Variants in OR52N4 observed in about 807,000 individuals in gnomAD.
OR52N4 encodes the protein olfactory receptor 52N4.
A neutral mutation model predicts 15.0 loss-of-function variants in OR52N4; 15 were observed. That is an observed-to-expected ratio of 1.00 (90% CI 0.67 to 1.54). The LOEUF (loss-of-function observed/expected upper bound fraction) is 1.54. Among genes scored for constraint, OR52N4 ranks in the 40% most tolerant of loss-of-function variants. OR52N4 has a pLI of 0.00. For synonymous variants in OR52N4, 143 were observed against 143.7 expected, an observed-to-expected ratio of 1.00 and a Z score of 0.03; for missense variants, 421 against 394.0, an observed-to-expected ratio of 1.07 and a Z score of -0.58.
chr11:5,752,263 A>G (rs1854206622), upstream of OR52N4, among the ~76,000 whole-genome samples: 1 of 152,170 alleles, frequency 6.6e-6, no homozygotes, highest in Non-Finnish European at 1.5e-5. Flanking sequence ...TTGAGTACAT[A>G]TCTTTGAGGA....
chr11:5,740,379 G>A, the OR52N4 span, among the ~76,000 whole-genome samples: 1 of 127,716 alleles, frequency 7.8e-6, no homozygotes, highest in African/African-American at 2.8e-5. Flanking sequence ...TGGAAACCAC[G>A]TAGAGTAATA....
chr11:5,738,352 T>C, the OR52N4 span: 2 of 152,244 alleles, frequency 1.3e-5, no homozygotes, highest in Non-Finnish European at 2.9e-5. Flanking sequence ...ACAGCTTTTA[T>C]GGAAATATAG....
chr11:5,745,905 C>A, the OR52N4 span, among the ~76,000 whole-genome samples: 2,194 of 152,208 alleles, frequency 0.014, 49 homozygotes, highest in African/African-American at 0.05. Flanking sequence ...TGCATGGTAA[C>A]AACATTTTCT....
the OR52N4 span, chr11:5,737,507 T>G: frequency 6.9e-6 from 11 of 1,594,604 alleles, no homozygotes; most frequent in Non-Finnish European, 9.4e-6. Context: ...TTCTCCATGA[T>G]GTACATGAAC....
the OR52N4 span, among the ~76,000 whole-genome samples, chr11:5,738,766 C>CT: frequency 3.4e-4 from 50 of 149,184 alleles, no homozygotes; most frequent in East Asian, 8.6e-3. Context: ...TCTTTTCTTT[C>CT]TTTTTTTTTT....
At chr11:5,727,290 C>T in the OR52N4 span, 1 of 153,014 alleles carries the variant, frequency 6.5e-6, no homozygotes, top group African/African-American at 2.4e-5. Flanking sequence ...TTTTTACACA[C>T]CGCTTTGGCC....
At position 5,755,413 on chromosome 11, in the gene OR52N4, C is replaced by T. The variant is rs765711389; in HGVS notation, c.673C>T (p.Arg225Trp). Residue 225 changes from arginine to tryptophan, a missense_variant, in exon 2 of 2, where the codon CGG becomes TGG. By Grantham distance (101) the Arg-to-Trp change is moderately radical. Coordinates refer to ENST00000641350, the MANE Select transcript of OR52N4 (RefSeq NM_001005175.5). The stretch of plus-strand genomic sequence containing the variant: ...CACCAACTCCTATACCATGATTCTC[C>T]GGGCAGTGGTCAGCCTCTCCTCAGC... ...CITNSYTMIL[R>W]AVVSLSSADA... 1.8e-5 allele frequency: 29 copies of T among 1,614,046 alleles called. No homozygotes were observed. The highest frequency in any genetic ancestry group is 6.7e-5 in the Admixed American group (4 of 59,990).
At chr11:5,737,207 C>A in the OR52N4 span, 1 of 1,614,086 alleles carries the variant, frequency 6.2e-7, no homozygotes, top group Non-Finnish European at 8.5e-7. Context: ...TATTTTGATT[C>A]TGTACTCTGT....
At chr11:5,743,702 A>C in the OR52N4 span, among the ~76,000 whole-genome samples, 1 of 152,350 alleles carries the variant, frequency 6.6e-6, no homozygotes, top group East Asian at 1.9e-4. Context: ...GAGACACAAT[A>C]TACTAAATCA....
the OR52N4 span, chr11:5,737,610 A>G: frequency 4.4e-6 from 4 of 900,124 alleles, no homozygotes; most frequent in Middle Eastern, 3.6e-4. Flanking sequence ...TTGTATGTAA[A>G]TAATTGTGAA....
the OR52N4 span, among the ~76,000 whole-genome samples, chr11:5,731,113 A>T: frequency 1.3e-5 from 2 of 152,308 alleles, no homozygotes; most frequent in East Asian, 3.9e-4. Context: ...TCTAATTTGA[A>T]GAGCAATGAA....
chr11:5,746,536 G>A, the OR52N4 span, among the ~76,000 whole-genome samples: 4 of 152,002 alleles, frequency 2.6e-5, no homozygotes, highest in Non-Finnish European at 5.9e-5. Flanking sequence ...ATATACAAGT[G>A]GCCAAGAAAC....
chr11:5,733,668 G>C, the OR52N4 span, among the ~76,000 whole-genome samples: 2 of 152,042 alleles, frequency 1.3e-5, no homozygotes, highest in Non-Finnish European at 2.9e-5. Context: ...ATTTCAATGA[G>C]AACAGGAACG....
chr11:5,752,308 T>C (rs1854207192), upstream of OR52N4, among the ~76,000 whole-genome samples: 1 of 152,232 alleles, frequency 6.6e-6, no homozygotes, highest in South Asian at 2.1e-4. Flanking sequence ...TGTGTTTTTC[T>C]ACTATTTTCA....
the OR52N4 span, among the ~76,000 whole-genome samples, chr11:5,727,849 G>A: frequency 1.3e-5 from 2 of 152,162 alleles, no homozygotes; most frequent in Admixed American, 1.3e-4. Flanking sequence ...TATCTTACCA[G>A]CTGCAAGAAT....
At chr11:5,744,625 A>G in the OR52N4 span, among the ~76,000 whole-genome samples, 1 of 152,214 alleles carries the variant, frequency 6.6e-6, no homozygotes, top group Non-Finnish European at 1.5e-5. Flanking sequence ...ACAATTAAAA[A>G]CAAAAGGCTG....
chr11:5,755,901 C>T lies in OR52N4; in HGVS notation c.*195C>T. 1.6e-6 allele frequency: 1 copy of T among 634,232 alleles called. No homozygotes were observed. 39.3% of individuals were successfully genotyped at this position (634,232 alleles called of 1,614,324 possible). A position where few individuals can be genotyped will look rare whatever the true frequency, so the allele number is the denominator to read the frequency against. On this transcript the variant is annotated 3_prime_UTR_variant, in exon 2 of 2. Coordinates refer to ENST00000641350, the MANE Select transcript of OR52N4 (RefSeq NM_001005175.5). ...CACCAACATTTCTATAAATTTTTTA[C>T]CTTCTCACTCATGTGAAGGACCAGT...
chr11:5,750,645 A>G (rs181375048), upstream of OR52N4, among the ~76,000 whole-genome samples: 1 of 150,992 alleles, frequency 6.6e-6, no homozygotes. Context: ...ATTGTAAAAC[A>G]TCTGAAAAAT....
At position 5,754,586 on chromosome 11, in the gene OR52N4, T is replaced by G. The variant is rs1253192495; in HGVS notation, c.-48-107T>G. The G allele has an allele frequency of 6.2e-6, 4 of 650,006 alleles. No homozygotes were observed. In the Admixed American group the frequency reaches 1.0e-4, roughly 17 times the overall value. The allele number at this position is 650,006 out of a possible 1,614,324, so 40.3% of individuals were successfully genotyped here. On this transcript the variant is annotated intron_variant, in intron 1 of 1. Transcript: ENST00000641350. ...AAAATTATTTCTTGGCACTCAGAAA[T>G]TTGGTTGTTGGACCATTAAAATGCA...
Sources: allele counts gnomAD v4.1 joint callset (sites outside exome capture counted in the v4.1 genomes callset), GRCh38; gene constraint gnomAD v4.1.1; transcripts MANE v1.5; gene names NCBI Gene and HGNC (gene_info 2026-07-23, HGNC 2026-07-21).